CFDP1: variants seen among roughly 807,000 people sequenced by gnomAD.
The protein encoded by CFDP1 is chromatin remodeling protein CFDP1, also known as heterochromatin-stabilizing protein CFDP1.
Under a neutral mutation model 40.1 loss-of-function variants are expected in CFDP1, and 31 were observed. That is an observed-to-expected ratio of 0.77 (90% CI 0.58 to 1.04). The LOEUF (loss-of-function observed/expected upper bound fraction) is 1.04. CFDP1 is among the 50% of genes least tolerant of loss of function. The pLI, the probability that CFDP1 is intolerant of heterozygous loss-of-function variation, is 0.00. For missense variants in CFDP1, 423 were observed against 343.4 expected (o/e 1.23, Z -1.83); for synonymous variants, 167 against 120.0 (o/e 1.39, Z -2.56).
At chr16:75,424,734 C>T (rs247424) in intron 1 of CFDP1, among the ~76,000 whole-genome samples, 23,174 of 134,112 alleles carry the variant, frequency 0.17, 1,943 homozygotes, top group East Asian at 0.41. Flanking sequence ...CCAGCCTGGG[C>T]AACAGAGGGA....
chr16:75,300,195 C>T (rs972596448), intron 6 of CFDP1, among the ~76,000 whole-genome samples: 2 of 152,042 alleles, frequency 1.3e-5, no homozygotes, highest in Non-Finnish European at 2.9e-5. Context: ...AGTGGGGCTG[C>T]GTGAATAGAA....
At chr16:75,351,676 T>A (rs2078612138) in intron 5 of CFDP1, among the ~76,000 whole-genome samples, 1 of 152,182 alleles carries the variant, frequency 6.6e-6, no homozygotes, top group Non-Finnish European at 1.5e-5. Flanking sequence ...GGGAAAATAC[T>A]TATCTTTCCT....
intron 1 of CFDP1, among the ~76,000 whole-genome samples, chr16:75,420,666 T>A (rs1489656676): frequency 6.6e-6 from 1 of 152,138 alleles, no homozygotes; most frequent in Non-Finnish European, 1.5e-5. Flanking sequence ...AGATAAAACA[T>A]TTACTAAAAT....
At chr16:75,349,935 G>A (rs1325714230) in intron 5 of CFDP1, among the ~76,000 whole-genome samples, 1 of 151,628 alleles carries the variant, frequency 6.6e-6, no homozygotes, top group Admixed American at 6.6e-5. Flanking sequence ...GAGATGGCAT[G>A]AGTAGACATA....
At chr16:75,358,364 T>A (rs1054411099) in intron 5 of CFDP1, among the ~76,000 whole-genome samples, 1 of 152,212 alleles carries the variant, frequency 6.6e-6, no homozygotes, top group African/African-American at 2.4e-5. Flanking sequence ...TTAGCAGCTT[T>A]TCTGAAATAA....
At chr16:75,346,010 G>C (rs1235889522) in intron 5 of CFDP1, among the ~76,000 whole-genome samples, 1 of 152,214 alleles carries the variant, frequency 6.6e-6, no homozygotes, top group African/African-American at 2.4e-5. Flanking sequence ...TGCATGTGAA[G>C]TGAAAAAGAA....
At chr16:75,303,400 AATGTATGTATGT>A (rs71380717) in intron 6 of CFDP1, among the ~76,000 whole-genome samples, 16 of 146,168 alleles carry the variant, frequency 1.1e-4, no homozygotes, top group East Asian at 2.0e-4. Context: ...TAAATAAATA[AATGTATGTATGT>A]ATGTATGTAT....
intron 1 of CFDP1, among the ~76,000 whole-genome samples, chr16:75,421,193 C>T (rs1332247267): frequency 6.6e-6 from 1 of 152,178 alleles, no homozygotes; most frequent in Non-Finnish European, 1.5e-5. Context: ...GGATTCAAAG[C>T]TGCAAGGCAG....
intron 5 of CFDP1, among the ~76,000 whole-genome samples, chr16:75,343,164 G>GA (rs1307965982): frequency 1.3e-5 from 2 of 152,060 alleles, no homozygotes; most frequent in Non-Finnish European, 2.9e-5. Flanking sequence ...CAGAAAAATG[G>GA]AAAAAAGTCC....
At chr16:75,340,431 C>T (rs1396190170) in intron 5 of CFDP1, among the ~76,000 whole-genome samples, 1 of 152,192 alleles carries the variant, frequency 6.6e-6, no homozygotes, top group African/African-American at 2.4e-5. Flanking sequence ...CATTTATTTA[C>T]AGAGTAAAAT....
intron 5 of CFDP1, among the ~76,000 whole-genome samples, chr16:75,312,599 A>C (rs2151504719): frequency 6.6e-6 from 1 of 152,284 alleles, no homozygotes; most frequent in South Asian, 2.1e-4. Context: ...CGTGTGTCTA[A>C]AACATACCTA....
In CFDP1 at chr16:75,400,979, A is replaced by AT. The variant is rs551136529; in HGVS notation, c.531-5771_531-5770insA. Among the ~76,000 whole-genome samples, 32 of 152,304 alleles carry AT rather than the reference A, an allele frequency of 2.1e-4. No individual in the cohort carries two copies. The South Asian group carries it at 5.6e-3, about 27-fold the overall frequency. Reference sequence around the variant, plus strand: ...GGATAGGCTTCCATAAAAAAGAGCCACAGAACACTGGATGCAGCTAATTTA... The same window carrying AT: ...GGATAGGCTTCCATAAAAAAGAGCCATCAGAACACTGGATGCAGCTAATTTA... On this transcript the variant is annotated intron_variant, in intron 4 of 6. Coordinates refer to ENST00000283882, the MANE Select transcript of CFDP1 (RefSeq NM_006324.3).
chr16:75,297,083 T>C (rs968747058), intron 6 of CFDP1, among the ~76,000 whole-genome samples: 1 of 151,770 alleles, frequency 6.6e-6, no homozygotes. Context: ...GTGCTTTGTA[T>C]ACAATAAAAC....
At chr16:75,390,506 C>T (rs377372322) in intron 5 of CFDP1, among the ~76,000 whole-genome samples, 7 of 152,334 alleles carry the variant, frequency 4.6e-5, no homozygotes, top group East Asian at 3.9e-4. Context: ...ACCTGCCTCC[C>T]GATTCTGCTA....
rs779995949 is a variant in CFDP1, at chr16:75,412,553, G to A, written c.384C>T (p.Pro128=). Residue 128 remains proline, a synonymous_variant, in exon 3 of 7, where the codon CCC becomes CCT. Transcript: ENST00000283882. The stretch of plus-strand genomic sequence containing the variant: ...AACTTACCTTAACTTGTGTACTTGG[G>A]GGCACTTTTGATTTTGGTCCCACAT... The part of the protein sequence containing the change: ...LNDVGPKSKV[P]PSTQVKKGEE... 4 of 1,613,754 alleles carry A rather than the reference G, an allele frequency of 2.5e-6. No homozygotes were observed. The East Asian group carries it at 6.7e-5, about 27-fold the overall frequency.
intron 5 of CFDP1, among the ~76,000 whole-genome samples, chr16:75,332,278 A>G (rs2078451497): frequency 6.6e-6 from 1 of 152,124 alleles, no homozygotes; most frequent in Non-Finnish European, 1.5e-5. Flanking sequence ...CCGCCTGGAC[A>G]ATATGGTGAA....
At chr16:75,378,262 G>A (rs1005483138) in intron 5 of CFDP1, among the ~76,000 whole-genome samples, 1 of 101,302 alleles carries the variant, frequency 9.9e-6, no homozygotes, top group African/African-American at 4.0e-5. Flanking sequence ...TAGGTCTTGT[G>A]GAATGAGTAA....
chr16:75,355,363 G>A (rs940679951), intron 5 of CFDP1, among the ~76,000 whole-genome samples: 2 of 152,180 alleles, frequency 1.3e-5, no homozygotes, highest in East Asian at 1.9e-4. Flanking sequence ...TTTCAAAATT[G>A]AAGTCAATCC....
At chr16:75,302,153 A>G (rs531043002) in intron 6 of CFDP1, among the ~76,000 whole-genome samples, 1 of 152,322 alleles carries the variant, frequency 6.6e-6, no homozygotes, top group South Asian at 2.1e-4. Flanking sequence ...CACTGCCTGA[A>G]AAGTTCTCAC....
Sources: gnomAD v4.1 joint callset for allele counts (sites outside exome capture counted in the v4.1 genomes callset) on GRCh38, gnomAD v4.1.1 for gene constraint, MANE v1.5 for transcripts, NCBI Gene and HGNC (gene_info 2026-07-23, HGNC 2026-07-21) for gene names.